The following EBF1 variants were observed in gnomAD, a reference collection of about 807,000 sequenced individuals.
The protein encoded by EBF1 is EBF transcription factor 1.
EBF1 carries 10 observed loss-of-function variants against 68.4 expected under a neutral mutation model. That is an observed-to-expected ratio of 0.15 (90% CI 0.09 to 0.25). EBF1 has a LOEUF of 0.25. Ranked by LOEUF, EBF1 falls within the 10% of genes least tolerant of loss-of-function variation. The pLI is 1.00. For missense variants in EBF1, 509 were observed against 794.4 expected (o/e 0.64, Z 4.32); for synonymous variants, 298 against 299.8 (o/e 0.99, Z 0.06).
intron 4 of EBF1, among the ~76,000 whole-genome samples, chr5:159,089,797 G>GAAGA (rs984375810): frequency 8.9e-5 from 12 of 135,528 alleles, no homozygotes; most frequent in African/African-American, 3.0e-4. Flanking sequence ...AAAAAGAAAA[G>GAAGA]AAGAAAGAAA....
At chr5:158,891,493 G>A (rs529945209) in intron 6 of EBF1, among the ~76,000 whole-genome samples, 13 of 152,042 alleles carry the variant, frequency 8.6e-5, no homozygotes, top group African/African-American at 3.1e-4. Context: ...CTTTGGATTC[G>A]AAGTAGACCC....
intron 15 of EBF1, among the ~76,000 whole-genome samples, chr5:158,707,360 G>A: frequency 6.6e-6 from 1 of 152,334 alleles, no homozygotes; most frequent in Non-Finnish European, 1.5e-5. Flanking sequence ...GCAATGGTGG[G>A]AAAGCGATTG....
chr5:158,720,449 A>G (rs1327795102), intron 11 of EBF1, among the ~76,000 whole-genome samples: 1 of 152,196 alleles, frequency 6.6e-6, no homozygotes, highest in Non-Finnish European at 1.5e-5. Flanking sequence ...GCCAAATGGA[A>G]AATTCCACAA....
chr5:159,099,262 A>AGCTGCC lies in EBF1; in HGVS notation c.134+77_134+82dup, dbSNP rs10537975. 7.0e-5 allele frequency: 83 copies of AGCTGCC among 1,186,156 alleles called. No individual in the cohort carries two copies. The Admixed American group carries it at 8.0e-4, about 11-fold the overall frequency. The allele number at this position is 1,186,156 out of a possible 1,614,324, so 73.5% of individuals were successfully genotyped here. ...CCCCGCCGCCCGGCCCCGCGGCAGC[A>AGCTGCC]GCTGCCGCTGCCGCTGCCGCCTCCG... On this transcript the variant is annotated intron_variant, in intron 1 of 15. Coordinates refer to ENST00000313708, the MANE Select transcript of EBF1 (RefSeq NM_024007.5).
chr5:158,723,895 G>A (rs1762433837), intron 11 of EBF1, among the ~76,000 whole-genome samples: 1 of 152,132 alleles, frequency 6.6e-6, no homozygotes, highest in Non-Finnish European at 1.5e-5. Flanking sequence ...TAAATTACAT[G>A]TGCAGGCATT....
intron 6 of EBF1, chr5:159,018,927 A>G (rs1766128492): frequency 6.6e-6 from 1 of 152,200 alleles, no homozygotes; most frequent in Non-Finnish European, 1.5e-5. Context: ...TATGTCTATA[A>G]TTGCCATCTA....
intron 11 of EBF1, among the ~76,000 whole-genome samples, chr5:158,721,473 G>A (rs1327111919): frequency 6.6e-6 from 1 of 152,180 alleles, no homozygotes. Context: ...TGTCTGAGTT[G>A]CAGTTAATAC....
At chr5:158,706,009 A>G (rs776623133) in intron 15 of EBF1, among the ~76,000 whole-genome samples, 8 of 152,216 alleles carry the variant, frequency 5.3e-5, no homozygotes, top group Middle Eastern at 3.2e-3. Flanking sequence ...TAAACCTATT[A>G]TAAGTTATAT....
chr5:158,834,408 AC>A (rs1465401297), intron 7 of EBF1, among the ~76,000 whole-genome samples: 9 of 151,764 alleles, frequency 5.9e-5, no homozygotes, highest in African/African-American at 2.2e-4. Flanking sequence ...CCTCATACCC[AC>A]CAGTCCTTAA....
intron 7 of EBF1, among the ~76,000 whole-genome samples, chr5:158,832,107 A>G (rs1179970982): frequency 6.6e-6 from 1 of 152,254 alleles, no homozygotes; most frequent in Non-Finnish European, 1.5e-5. Flanking sequence ...CCCAACAACT[A>G]TAGGCATCTT....
At chr5:158,921,024 T>C (rs1011001494) in intron 6 of EBF1, among the ~76,000 whole-genome samples, 6 of 152,230 alleles carry the variant, frequency 3.9e-5, no homozygotes, top group African/African-American at 1.2e-4. Context: ...GTGGAAATAG[T>C]ACAGGATCAT....
intron 10 of EBF1, among the ~76,000 whole-genome samples, chr5:158,733,930 C>CAAAG (rs1764641511): frequency 6.6e-6 from 1 of 152,086 alleles, no homozygotes; most frequent in South Asian, 2.1e-4. Context: ...AGCCATCTGA[C>CAAAG]AAAGACTGTT....
chr5:158,889,044 T>TC lies in EBF1; in HGVS notation c.555-48935dup, dbSNP rs1228684680. ...TCCCACTGATTACTTTAGGGTTTTT[T>TC]CCCCACATATGTTCCCCACTGAGAA... On this transcript the variant is annotated intron_variant, in intron 6 of 15. Coordinates refer to ENST00000313708, the MANE Select transcript of EBF1 (RefSeq NM_024007.5). Among the ~76,000 whole-genome samples the TC allele has an allele frequency of 3.9e-5, 6 of 152,272 alleles. No homozygotes were observed. In the East Asian group the frequency reaches 1.2e-3, roughly 29 times the overall value.
At chr5:158,725,958 T>G (rs1341661477) in intron 11 of EBF1, among the ~76,000 whole-genome samples, 1 of 152,200 alleles carries the variant, frequency 6.6e-6, no homozygotes, top group Non-Finnish European at 1.5e-5. Flanking sequence ...CAAGATCTTT[T>G]AAATGTGTTG....
intron 6 of EBF1, among the ~76,000 whole-genome samples, chr5:159,055,252 T>C (rs1300949730): frequency 3.9e-5 from 6 of 152,166 alleles, no homozygotes; most frequent in African/African-American, 1.2e-4. Flanking sequence ...ATATGAGAGG[T>C]AACCAGATTT....
chr5:158,807,283 G>A (rs1323565641), intron 8 of EBF1, among the ~76,000 whole-genome samples: 2 of 152,146 alleles, frequency 1.3e-5, no homozygotes, highest in Non-Finnish European at 2.9e-5. Flanking sequence ...AGGCAGGAAG[G>A]TAAGTCAATG....
chr5:158,735,864 A>G (rs1765074324), intron 10 of EBF1, among the ~76,000 whole-genome samples: 1 of 152,194 alleles, frequency 6.6e-6, no homozygotes, highest in South Asian at 2.1e-4. Flanking sequence ...ATGGGCTTCA[A>G]CCCAGGTGGT....
chr5:158,991,848 T>C (rs1380270021), intron 6 of EBF1, among the ~76,000 whole-genome samples: 2 of 152,216 alleles, frequency 1.3e-5, no homozygotes, highest in African/African-American at 2.4e-5. Flanking sequence ...ATTTGCACAA[T>C]GCAAGAGCTG....
chr5:158,981,924 A>G (rs1485515891), intron 6 of EBF1, among the ~76,000 whole-genome samples: 3 of 152,216 alleles, frequency 2.0e-5, no homozygotes, highest in Non-Finnish European at 2.9e-5. Context: ...AATGACTTCA[A>G]ATCATTAACA....
Sources: gnomAD v4.1 joint callset for allele counts (sites outside exome capture counted in the v4.1 genomes callset) on GRCh38, gnomAD v4.1.1 for gene constraint, MANE v1.5 for transcripts, NCBI Gene and HGNC (gene_info 2026-07-23, HGNC 2026-07-21) for gene names.